The following ABCB5 variants were observed in gnomAD, a reference collection of about 807,000 sequenced individuals.
ABCB5 encodes the protein ATP-binding cassette sub-family B member 5.
In ABCB5, 155 loss-of-function variants were observed where a neutral mutation model predicts 144.2. That is an observed-to-expected ratio of 1.08 (90% CI 0.94 to 1.23). The LOEUF is 1.23. Among genes scored for constraint, ABCB5 ranks in the 50% most tolerant of loss-of-function variants. The pLI is 0.00. For synonymous variants in ABCB5, 610 were observed against 528.6 expected (o/e 1.15, Z -2.11); for missense variants, 1,830 against 1,520.8 (o/e 1.20, Z -3.38).
At chr7:20,649,988 G>A in intron 11 of ABCB5, 34 bp from the exon 12 acceptor site, 1 of 1,585,576 alleles carries the variant, frequency 6.3e-7, no homozygotes. Flanking sequence ...TTCTTATTGT[G>A]GTTTTATGAT....
At chr7:20,655,247 G>A (rs1311314826) in intron 13 of ABCB5, among the ~76,000 whole-genome samples, 39 of 152,082 alleles carry the variant, frequency 2.6e-4, no homozygotes, top group Admixed American at 2.5e-3. Flanking sequence ...TGAGGCAGGT[G>A]GATCACTTGA....
At chr7:20,631,971 A>C in intron 4 of ABCB5, 88 bp from the exon 5 acceptor site, 2 of 694,506 alleles carry the variant, frequency 2.9e-6, no homozygotes, top group Non-Finnish European at 4.6e-6. Context: ...TTAAGAGTGC[A>C]CTATATTTGG....
At chr7:20,752,823 G>T (rs954157754) in intron 26 of ABCB5, among the ~76,000 whole-genome samples, 1 of 152,156 alleles carries the variant, frequency 6.6e-6, no homozygotes, top group Non-Finnish European at 1.5e-5. Context: ...TCTAGACTGG[G>T]TAACAGAGCG....
chr7:20,633,869 A>G (rs1411221110), intron 5 of ABCB5, among the ~76,000 whole-genome samples: 1 of 152,048 alleles, frequency 6.6e-6, no homozygotes, highest in African/African-American at 2.4e-5. Context: ...ATTTGTGGCT[A>G]TATAATTTTG....
chr7:20,645,678 A>T (rs1784386766), intron 7 of ABCB5, 78 bp from the exon 8 acceptor site: 1 of 1,530,338 alleles, frequency 6.5e-7, no homozygotes, highest in Non-Finnish European at 8.8e-7. Context: ...TTAGAATTCA[A>T]ATTCTGCCTG....
At chr7:20,687,165 T>G (rs945465719) in intron 16 of ABCB5, among the ~76,000 whole-genome samples, 1 of 152,202 alleles carries the variant, frequency 6.6e-6, no homozygotes, top group African/African-American at 2.4e-5. Context: ...GAGGAAACAC[T>G]GTGTTAAAAC....
intron 5 of ABCB5, among the ~76,000 whole-genome samples, chr7:20,640,967 T>A (rs1235035679): frequency 6.6e-6 from 1 of 152,154 alleles, no homozygotes; most frequent in Non-Finnish European, 1.5e-5. Flanking sequence ...CTATACTTAA[T>A]TCTTCCTCTT....
intron 20 of ABCB5, among the ~76,000 whole-genome samples, chr7:20,720,649 A>G (rs1490954191): frequency 6.6e-6 from 1 of 152,182 alleles, no homozygotes; most frequent in Non-Finnish European, 1.5e-5. Flanking sequence ...ATGAACATCA[A>G]GTTAAGAATG....
At position 20,647,654 on chromosome 7, in the gene ABCB5, A is replaced by G; in HGVS notation, c.1095+6A>G. On this transcript the variant is annotated splice_donor_region_variant and intron_variant, in intron 10 of 27. Transcript: ENST00000404938. The stretch of plus-strand genomic sequence containing the variant: ...TTTTCCAGGTTATTGATAAGGTAAG[A>G]CCTCTTATTGCTTTGAAGAATAACT... 3 of 1,556,220 alleles carry G rather than the reference A, an allele frequency of 1.9e-6. No individual in the cohort carries two copies. Among genetic ancestry groups the G allele is most frequent in the Non-Finnish European group, 2.6e-6 (3 of 1,149,876 alleles).
At chr7:20,663,115 C>A (rs982688986) in intron 14 of ABCB5, among the ~76,000 whole-genome samples, 1 of 152,198 alleles carries the variant, frequency 6.6e-6, no homozygotes, top group African/African-American at 2.4e-5. Context: ...CATCCTTCTG[C>A]CTCATTCTTG....
At chr7:20,616,576 AT>A (rs1369605832) in intron 1 of ABCB5, among the ~76,000 whole-genome samples, 1 of 152,214 alleles carries the variant, frequency 6.6e-6, no homozygotes, top group African/African-American at 2.4e-5. Context: ...TGTATGTTCC[AT>A]AGTACTTGCC....
At chr7:20,648,579 T>C (rs1173465070) in intron 11 of ABCB5, among the ~76,000 whole-genome samples, 1 of 152,210 alleles carries the variant, frequency 6.6e-6, no homozygotes, top group Non-Finnish European at 1.5e-5. Context: ...GACAAGTTCT[T>C]GTGAAAATGT....
At chr7:20,746,742 CTT>C (rs1782737061) in intron 26 of ABCB5, among the ~76,000 whole-genome samples, 1 of 152,122 alleles carries the variant, frequency 6.6e-6, no homozygotes, top group Non-Finnish European at 1.5e-5. Context: ...ATAATTGTAA[CTT>C]TAAGTGTTTA....
chr7:20,707,400 T>G (rs1196462650), intron 20 of ABCB5, among the ~76,000 whole-genome samples: 1 of 152,240 alleles, frequency 6.6e-6, no homozygotes, highest in Non-Finnish European at 1.5e-5. Context: ...CTGATATTGT[T>G]TTAGCCCAAG....
intron 5 of ABCB5, among the ~76,000 whole-genome samples, chr7:20,634,356 C>T (rs1486830474): frequency 6.6e-6 from 1 of 151,768 alleles, no homozygotes; most frequent in Non-Finnish European, 1.5e-5. Flanking sequence ...CTACAATAAA[C>T]ATACAAGTGC....
chr7:20,755,886 A>C lies in ABCB5; in HGVS notation c.*262A>C. On this transcript the variant is annotated 3_prime_UTR_variant, in exon 28 of 28. Coordinates refer to ENST00000404938, the MANE Select transcript of ABCB5 (RefSeq NM_001163941.2). ...ATTCTAGCACATTTGCTTGTAAAGCAGTTTTCTACAAGGTGAATTTATTTC... is the reference window on the plus strand; with the variant it reads ...ATTCTAGCACATTTGCTTGTAAAGCCGTTTTCTACAAGGTGAATTTATTTC... 2.6e-6 allele frequency: 1 copy of C among 389,930 alleles called. No individual in the cohort carries two copies. The highest frequency in any genetic ancestry group is 4.7e-5 in the East Asian group (1 of 21,334). 24.2% of individuals were successfully genotyped at this position (389,930 alleles called of 1,614,324 possible).
chr7:20,643,593 G>T lies in ABCB5; in HGVS notation c.639G>T (p.Thr213=), dbSNP rs751089247. The change falls in exon 7 of 28, where the codon ACG becomes ACT. Residue 213 remains threonine, a synonymous_variant. Transcript: ENST00000404938. ...AACTCACCCTAGTGACTCTATCCACGTCTCCTCTTATAATGGCTTCAGCGG... is the reference window on the plus strand; with the variant it reads ...AACTCACCCTAGTGACTCTATCCACTTCTCCTCTTATAATGGCTTCAGCGG... The part of the protein sequence containing the change: ...GWKLTLVTLS[T]SPLIMASAAA... The T allele has an allele frequency of 4.3e-6, 7 of 1,613,894 alleles. No individual in the cohort carries two copies. The highest frequency in any genetic ancestry group is 5.9e-6 in the Non-Finnish European group (7 of 1,179,878).
At chr7:20,721,515 T>C (rs78591936) in intron 20 of ABCB5, among the ~76,000 whole-genome samples, 46 of 152,324 alleles carry the variant, frequency 3.0e-4, no homozygotes, top group African/African-American at 5.3e-4. Context: ...TTTCTCCTAT[T>C]TTGGCCCACT....
chr7:20,690,761 C>G (rs149102673), intron 16 of ABCB5, among the ~76,000 whole-genome samples: 109 of 152,082 alleles, frequency 7.2e-4, no homozygotes, highest in African/African-American at 2.5e-3. Context: ...CATTTAGATT[C>G]GGATAGAAAA....
Sources: allele counts gnomAD v4.1 joint callset (sites outside exome capture counted in the v4.1 genomes callset), GRCh38; gene constraint gnomAD v4.1.1; transcripts MANE v1.5; gene names NCBI Gene and HGNC (gene_info 2026-07-23, HGNC 2026-07-21).